The following NCK2 variants were observed in gnomAD, a reference collection of about 807,000 sequenced individuals.
NCK2 encodes the protein cytoplasmic protein NCK2.
NCK2 carries 16 observed loss-of-function variants against 33.9 expected under a neutral mutation model. That is an observed-to-expected ratio of 0.47 (90% CI 0.32 to 0.72). The LOEUF (loss-of-function observed/expected upper bound fraction) is 0.72. NCK2 is among the 30% of genes least tolerant of loss of function. The probability of loss-of-function intolerance (pLI) is 0.03; values close to 1 mark genes in which losing one functional copy is unlikely to be tolerated. For missense variants in NCK2, 418 were observed against 537.3 expected (o/e 0.78, Z 2.19); for synonymous variants, 273 against 239.9 (o/e 1.14, Z -1.27).
intron 1 of NCK2, among the ~76,000 whole-genome samples, chr2:105,807,156 T>C (rs780144088): frequency 6.6e-6 from 1 of 152,208 alleles, no homozygotes; most frequent in Non-Finnish European, 1.5e-5. Context: ...CCCAGCTGCC[T>C]AATCCTGAGT....
chr2:105,835,532 C>G (rs1479685152), intron 2 of NCK2, among the ~76,000 whole-genome samples: 2 of 149,098 alleles, frequency 1.3e-5, no homozygotes, highest in Admixed American at 6.7e-5. Context: ...TTTTATTTTA[C>G]TTGATGTTTT....
intron 1 of NCK2, among the ~76,000 whole-genome samples, chr2:105,783,555 CA>C (rs1201687899): frequency 3.3e-5 from 5 of 152,156 alleles, no homozygotes; most frequent in Non-Finnish European, 7.4e-5. Flanking sequence ...CAGTATTTGC[CA>C]CCGTGGGTGC....
chr2:105,771,543 C>T (rs1206786961), intron 1 of NCK2, among the ~76,000 whole-genome samples: 3 of 152,012 alleles, frequency 2.0e-5, no homozygotes, highest in Admixed American at 6.6e-5. Context: ...CCAGCCTGGG[C>T]GACAAGAGTG....
intron 2 of NCK2, among the ~76,000 whole-genome samples, chr2:105,825,184 G>T (rs1317402669): frequency 6.6e-6 from 1 of 152,148 alleles, no homozygotes; most frequent in African/African-American, 2.4e-5. Flanking sequence ...ATGCTTGGGG[G>T]TGACTTAGGA....
chr2:105,875,805 G>A (rs757509012), intron 3 of NCK2, among the ~76,000 whole-genome samples: 10 of 152,124 alleles, frequency 6.6e-5, no homozygotes, highest in Admixed American at 3.9e-4. Flanking sequence ...TGTTATAGGC[G>A]CCTGAACCAA....
At chr2:105,848,684 G>A (rs1002819535) in intron 2 of NCK2, 1 of 152,112 alleles carries the variant, frequency 6.6e-6, no homozygotes, top group African/African-American at 2.4e-5. Flanking sequence ...TTTCAACTAG[G>A]CCTGCCTTCC....
intron 1 of NCK2, among the ~76,000 whole-genome samples, chr2:105,782,869 C>T (rs1191695956): frequency 6.6e-6 from 1 of 152,228 alleles, no homozygotes; most frequent in African/African-American, 2.4e-5. Flanking sequence ...GTCCCCAACG[C>T]TCCCAACTGG....
intron 1 of NCK2, among the ~76,000 whole-genome samples, chr2:105,789,681 C>T (rs1161735035): frequency 6.6e-6 from 1 of 152,220 alleles, no homozygotes; most frequent in African/African-American, 2.4e-5. Flanking sequence ...TCATCATCTG[C>T]TGGTGAGGAC....
chr2:105,748,083 C>G (rs1689346887), intron 1 of NCK2, among the ~76,000 whole-genome samples: 1 of 152,208 alleles, frequency 6.6e-6, no homozygotes, highest in South Asian at 2.1e-4. Flanking sequence ...CACATACATT[C>G]CTACCTCAAG....
At chr2:105,884,450 T>A (rs1179785685) in intron 4 of NCK2, among the ~76,000 whole-genome samples, 1 of 152,196 alleles carries the variant, frequency 6.6e-6, no homozygotes, top group Non-Finnish European at 1.5e-5. Context: ...TTATTTAATT[T>A]CCTTTTTTTC....
chr2:105,859,231 C>A (rs932946718), intron 3 of NCK2, among the ~76,000 whole-genome samples: 2 of 152,150 alleles, frequency 1.3e-5, no homozygotes, highest in African/African-American at 4.8e-5. Context: ...CCAGCTGGAG[C>A]CTTGCAAAGC....
intron 1 of NCK2, among the ~76,000 whole-genome samples, chr2:105,797,446 GA>G (rs1158274750): frequency 6.6e-6 from 1 of 152,216 alleles, no homozygotes; most frequent in Non-Finnish European, 1.5e-5. Context: ...TTCTAAGGGG[GA>G]AAAAACCAGT....
intron 2 of NCK2, among the ~76,000 whole-genome samples, chr2:105,828,647 G>A (rs1347541196): frequency 6.6e-6 from 1 of 152,182 alleles, no homozygotes; most frequent in African/African-American, 2.4e-5. Flanking sequence ...CTAACCCTGG[G>A]GTCAAGAGAC....
At chr2:105,839,931 C>T (rs10200841) in intron 2 of NCK2, among the ~76,000 whole-genome samples, 98,923 of 152,064 alleles carry the variant, frequency 0.65, 33,378 homozygotes, top group African/African-American at 0.84. Flanking sequence ...AGCTGGTGGA[C>T]GGTGTGTTTC....
At chr2:105,837,957 T>C (rs1197679474) in intron 2 of NCK2, among the ~76,000 whole-genome samples, 3 of 152,240 alleles carry the variant, frequency 2.0e-5, no homozygotes, top group Non-Finnish European at 4.4e-5. Flanking sequence ...TCTTATATAT[T>C]CAACACCAGT....
chr2:105,883,046 G>A (rs1375262225), intron 4 of NCK2, among the ~76,000 whole-genome samples: 4 of 38,402 alleles, frequency 1.0e-4, no homozygotes, highest in Non-Finnish European at 1.9e-4. Flanking sequence ...AGAGAGAGGC[G>A]ACTGGGATGT....
At chr2:105,783,563 G>T (rs1379657597) in intron 1 of NCK2, among the ~76,000 whole-genome samples, 2 of 152,162 alleles carry the variant, frequency 1.3e-5, no homozygotes, top group East Asian at 3.9e-4. Context: ...GCCACCGTGG[G>T]TGCAGTTACT....
At chr2:105,831,945 G>A (rs888850119) in intron 2 of NCK2, among the ~76,000 whole-genome samples, 1 of 152,154 alleles carries the variant, frequency 6.6e-6, no homozygotes, top group Admixed American at 6.5e-5. Flanking sequence ...CTGATATATT[G>A]ATAGGGATCA....
chr2:105,889,093 T>G (rs1200686918), intron 4 of NCK2, among the ~76,000 whole-genome samples: 1 of 151,972 alleles, frequency 6.6e-6, no homozygotes. Context: ...ACTGATGGAG[T>G]TGCTTTCATG....
Sources: gnomAD v4.1 joint callset for allele counts (sites outside exome capture counted in the v4.1 genomes callset) on GRCh38, gnomAD v4.1.1 for gene constraint, MANE v1.5 for transcripts, NCBI Gene and HGNC (gene_info 2026-07-23, HGNC 2026-07-21) for gene names.